ARMC2: variants seen among roughly 807,000 people sequenced by gnomAD.
The protein encoded by ARMC2 is armadillo repeat containing 2.
In ARMC2, 67 loss-of-function variants were observed where a neutral mutation model predicts 90.3. The ratio of observed to expected loss-of-function variants is 0.74; its 90% CI spans 0.61 to 0.91. ARMC2 has a LOEUF of 0.91. Among genes scored for constraint, ARMC2 ranks in the 40% least tolerant of loss-of-function variants. The pLI is 0.00. For synonymous variants in ARMC2, 393 were observed against 393.0 expected (o/e 1.00, Z 0.00); for missense variants, 920 against 1,030.9 (o/e 0.89, Z 1.47).
chr6:108,990,563 C>CTATG, the ARMC2 span: 1 of 1,218,652 alleles, frequency 8.2e-7, no homozygotes, highest in East Asian at 2.3e-5. Context: ...ATGTGTGTGT[C>CTATG]TATGTGCATG....
chr6:109,001,368 T>G, the ARMC2 span: 2 of 1,613,902 alleles, frequency 1.2e-6, no homozygotes, highest in Non-Finnish European at 1.7e-6. Context: ...TTTAAGAAAC[T>G]TTCTAAATAT....
the ARMC2 span, among the ~76,000 whole-genome samples, chr6:108,994,177 G>GC: frequency 6.7e-6 from 1 of 149,838 alleles, no homozygotes; most frequent in South Asian, 2.1e-4. Flanking sequence ...AAAAAAGAGG[G>GC]CACTCATATG....
At chr6:109,043,712 G>C in the ARMC2 span, among the ~76,000 whole-genome samples, 1 of 152,126 alleles carries the variant, frequency 6.6e-6, no homozygotes, top group East Asian at 1.9e-4. Context: ...ATCCAAATAA[G>C]TGGAGAAATA....
chr6:108,937,688 T>C (rs1043560492), intron 12 of ARMC2, among the ~76,000 whole-genome samples: 1 of 152,234 alleles, frequency 6.6e-6, no homozygotes, highest in East Asian at 1.9e-4. Flanking sequence ...ACAGACATTA[T>C]TTTTATTTTT....
At chr6:108,941,832 A>T (rs927638636) in intron 12 of ARMC2, among the ~76,000 whole-genome samples, 6 of 152,220 alleles carry the variant, frequency 3.9e-5, no homozygotes, top group African/African-American at 1.4e-4. Flanking sequence ...TTAAAAAATT[A>T]TACTTTGACT....
At chr6:108,956,153 C>T (rs1027527702) in intron 13 of ARMC2, among the ~76,000 whole-genome samples, 1 of 152,206 alleles carries the variant, frequency 6.6e-6, no homozygotes, top group Admixed American at 6.5e-5. Context: ...CTTTACCTGA[C>T]TGTGGCTGCC....
chr6:108,937,772 G>A lies in ARMC2; in HGVS notation c.1596+773G>A, dbSNP rs549951110. Among the ~76,000 whole-genome samples, 9 of 152,110 alleles carry A rather than the reference G, an allele frequency of 5.9e-5. No individual in the cohort carries two copies. The South Asian group carries it at 1.9e-3, about 32-fold the overall frequency. ...TGCAGTGGCGATATCTTGGCTCACT[G>A]CAAGCTCCACCTCCTGGGTTCACGC... is the stretch of plus-strand genomic sequence containing the variant. On this transcript the variant is annotated intron_variant, in intron 12 of 17. Coordinates refer to ENST00000392644, the MANE Select transcript of ARMC2 (RefSeq NM_032131.6).
chr6:109,025,960 T>C, the ARMC2 span, among the ~76,000 whole-genome samples: 1 of 151,910 alleles, frequency 6.6e-6, no homozygotes, highest in Non-Finnish European at 1.5e-5. Context: ...TCTTTTTTTT[T>C]TTCAGGAAGC....
chr6:108,972,618 A>G (rs1778833630), intron 17 of ARMC2, among the ~76,000 whole-genome samples: 1 of 152,222 alleles, frequency 6.6e-6, no homozygotes, highest in Admixed American at 6.5e-5. Context: ...ACAAACTTAC[A>G]TATAAAAAAC....
At chr6:108,940,730 T>C (rs569725402) in intron 12 of ARMC2, among the ~76,000 whole-genome samples, 2 of 152,188 alleles carry the variant, frequency 1.3e-5, no homozygotes, top group African/African-American at 4.8e-5. Context: ...CAGGCTGCTC[T>C]TTATTAGAAA....
At chr6:108,911,372 T>A (rs1451522237) in intron 9 of ARMC2, among the ~76,000 whole-genome samples, 1 of 152,182 alleles carries the variant, frequency 6.6e-6, no homozygotes, top group Admixed American at 6.5e-5. Context: ...TTGAAAGACA[T>A]CTATAACTGT....
At chr6:108,918,943 GAC>G (rs1368151990) in intron 10 of ARMC2, among the ~76,000 whole-genome samples, 2 of 152,326 alleles carry the variant, frequency 1.3e-5, no homozygotes, top group Admixed American at 1.3e-4. Context: ...AAATTAAGAA[GAC>G]AGAGTCCAAG....
intron 13 of ARMC2, among the ~76,000 whole-genome samples, chr6:108,956,392 T>TG (rs1461633678): frequency 2.0e-5 from 3 of 152,040 alleles, no homozygotes; most frequent in African/African-American, 7.2e-5. Flanking sequence ...AGTGATGCTT[T>TG]GGGGTAGGAG....
chr6:109,014,958 T>G, the ARMC2 span, among the ~76,000 whole-genome samples: 1 of 152,196 alleles, frequency 6.6e-6, no homozygotes, highest in African/African-American at 2.4e-5. Context: ...CTTCATAAAA[T>G]CAGAATGTCT....
At chr6:109,048,302 G>A in the ARMC2 span, among the ~76,000 whole-genome samples, 1 of 152,100 alleles carries the variant, frequency 6.6e-6, no homozygotes, top group Admixed American at 6.6e-5. Context: ...AATAGTTTGA[G>A]GAGCCACCTT....
At chr6:108,895,501 A>AAG (rs1554245270) in intron 6 of ARMC2, among the ~76,000 whole-genome samples, 4,698 of 149,576 alleles carry the variant, frequency 0.031, 257 homozygotes, top group African/African-American at 0.098. Flanking sequence ...AAAAAAAAAA[A>AAG]GATAATTGCT....
At chr6:108,962,412 A>G (rs557180611) in intron 15 of ARMC2, among the ~76,000 whole-genome samples, 1 of 152,272 alleles carries the variant, frequency 6.6e-6, no homozygotes, top group South Asian at 2.1e-4. Flanking sequence ...TTAAGAAGAC[A>G]TTCTCTTTTA....
chr6:109,036,719 C>G, the ARMC2 span, among the ~76,000 whole-genome samples: 4 of 152,144 alleles, frequency 2.6e-5, no homozygotes, highest in African/African-American at 7.2e-5. Flanking sequence ...AAGCTAAATA[C>G]CTGGAGGAAG....
chr6:109,045,230 A>C, the ARMC2 span, among the ~76,000 whole-genome samples: 2 of 151,984 alleles, frequency 1.3e-5, no homozygotes, highest in African/African-American at 4.8e-5. Context: ...GAAACTGTAA[A>C]ATCTATCCCC....
Sources: gnomAD v4.1 joint callset for allele counts (sites outside exome capture counted in the v4.1 genomes callset) on GRCh38, gnomAD v4.1.1 for gene constraint, MANE v1.5 for transcripts, NCBI Gene and HGNC (gene_info 2026-07-23, HGNC 2026-07-21) for gene names.